COMMD6: variants seen among roughly 807,000 people sequenced by gnomAD.
COMMD6 encodes the protein COMM domain-containing protein 6.
Under a neutral mutation model 13.4 loss-of-function variants are expected in COMMD6, and 11 were observed. The observed-to-expected ratio is 0.82, with a 90% CI of 0.52 to 1.36. The LOEUF is 1.36. Among genes scored for constraint, COMMD6 ranks in the 40% most tolerant of loss-of-function variants. The pLI is 0.00. For synonymous variants in COMMD6, 43 were observed against 36.5 expected (o/e 1.18, Z -0.64); for missense variants, 124 against 102.4 (o/e 1.21, Z -0.91).
chr13:75,537,190 C>G (rs923500234), intron 2 of COMMD6, among the ~76,000 whole-genome samples: 1 of 152,222 alleles, frequency 6.6e-6, no homozygotes, highest in Non-Finnish European at 1.5e-5. Context: ...AACAGCACAG[C>G]AGCACTTGAA....
At position 75,525,657 on chromosome 13, in the gene COMMD6, C is replaced by A. The variant is rs1199576761; in HGVS notation, c.*932G>T. 1 of 152,258 alleles carries A rather than the reference C, an allele frequency of 6.6e-6. No homozygotes were observed. The highest frequency in any genetic ancestry group is 2.4e-5 in the African/African-American group (1 of 41,460). The allele number at this position is 152,258 out of a possible 1,614,324, so 9.4% of individuals were successfully genotyped here. A position where few individuals can be genotyped will look rare whatever the true frequency, so the allele number is the denominator to read the frequency against. ...GGCTGCGGCAGGCAGCAGTCCTGGG[C>A]TCCTCACAGCTGTGTGCTACCTAGC... On this transcript the variant is annotated 3_prime_UTR_variant, in exon 4 of 4. Coordinates refer to ENST00000682242, the MANE Select transcript of COMMD6 (RefSeq NM_203495.4).
intron 2 of COMMD6, among the ~76,000 whole-genome samples, chr13:75,535,109 CAGAA>C (rs1415112148): frequency 1.3e-5 from 2 of 151,746 alleles, no homozygotes; most frequent in Admixed American, 6.6e-5. Context: ...GGCTTTTGAA[CAGAA>C]AGAGACTCGA....
At chr13:75,538,812 A>G (rs2030769185), upstream of COMMD6, 1 of 150,908 alleles carries the variant, frequency 6.6e-6, no homozygotes. Flanking sequence ...ATGTCTCTTT[A>G]GTCTCCTCTA....
chr13:75,530,387 A>T lies in COMMD6; in HGVS notation c.55-121T>A, dbSNP rs1468159149. Reference sequence around the variant, plus strand: ...TTTCAACGCTGGTCATATTTACATAAAGTATCTTCATTTTAATACTGCTAG... The same window carrying T: ...TTTCAACGCTGGTCATATTTACATATAGTATCTTCATTTTAATACTGCTAG... On this transcript the variant is annotated intron_variant, in intron 2 of 3. Transcript: ENST00000682242. 19 of 660,016 alleles carry T rather than the reference A, an allele frequency of 2.9e-5. No individual in the cohort carries two copies. In the East Asian group the frequency reaches 5.0e-4, roughly 17 times the overall value. The allele number at this position is 660,016 out of a possible 1,614,324, so 40.9% of individuals were successfully genotyped here.
chr13:75,548,505 C>T (rs991952716), intron 1 of COMMD6, among the ~76,000 whole-genome samples: 1 of 152,168 alleles, frequency 6.6e-6, no homozygotes, highest in Non-Finnish European at 1.5e-5. Context: ...TTCCCCAGGT[C>T]AAATTTATGG....
upstream of COMMD6, among the ~76,000 whole-genome samples, chr13:75,538,459 T>G (rs1401888024): frequency 6.6e-6 from 1 of 152,220 alleles, no homozygotes; most frequent in East Asian, 1.9e-4. Flanking sequence ...ATTTATTTTT[T>G]TCAGAAAAAT....
chr13:75,542,838 G>A (rs1357507843), upstream of COMMD6, among the ~76,000 whole-genome samples: 2 of 152,202 alleles, frequency 1.3e-5, no homozygotes, highest in South Asian at 2.1e-4. Flanking sequence ...GCCAGCCTTT[G>A]CTGATTTTGA....
chr13:75,532,816 A>C (rs1308758345), intron 2 of COMMD6, among the ~76,000 whole-genome samples: 1 of 152,226 alleles, frequency 6.6e-6, no homozygotes, highest in Non-Finnish European at 1.5e-5. Flanking sequence ...TTGAGCTTTC[A>C]GAGGTTTTCA....
Position 75,526,783 on chromosome 13 carries a change from G to T in COMMD6, c.208-144C>A, listed in dbSNP as rs538360562. ...ACATTCTCAATTACTGAAGGTTGCT[G>T]TAAGAAATAGGTGCAATTTGGTACT... On this transcript the variant is annotated intron_variant, in intron 3 of 3. Coordinates refer to ENST00000682242, the MANE Select transcript of COMMD6 (RefSeq NM_203495.4). 7.0e-6 allele frequency: 4 copies of T among 569,432 alleles called. No homozygotes were observed. In the South Asian group the frequency reaches 1.1e-4, roughly 15 times the overall value. The allele number at this position is 569,432 out of a possible 1,614,324, so 35.3% of individuals were successfully genotyped here.
Position 75,537,753 on chromosome 13 carries a change from T to A in COMMD6, c.42+11A>T, listed in dbSNP as rs1310124382. 4 of 1,613,754 alleles carry A rather than the reference T, an allele frequency of 2.5e-6. No homozygotes were observed. The African/African-American group carries it at 5.3e-5, about 22-fold the overall frequency. On this transcript the variant is annotated intron_variant, in intron 1 of 3. Coordinates refer to ENST00000682242, the MANE Select transcript of COMMD6 (RefSeq NM_203495.4). ...CCTCGCTGCCCACTCTCCTTCCAGGTTGGAACTCACATCGGACTTAGCATC... is the reference window on the plus strand; with the variant it reads ...CCTCGCTGCCCACTCTCCTTCCAGGATGGAACTCACATCGGACTTAGCATC...
chr13:75,548,001 C>G (rs2030936431), intron 1 of COMMD6, among the ~76,000 whole-genome samples: 1 of 152,244 alleles, frequency 6.6e-6, no homozygotes, highest in African/African-American at 2.4e-5. Context: ...AACTGTCTTG[C>G]TGTCCGGCCT....
At chr13:75,537,057 C>T (rs1456222988) in intron 2 of COMMD6, among the ~76,000 whole-genome samples, 1 of 152,178 alleles carries the variant, frequency 6.6e-6, no homozygotes, top group Non-Finnish European at 1.5e-5. Flanking sequence ...TTTCTTACCT[C>T]ATCCCTTTCT....
intron 2 of COMMD6, among the ~76,000 whole-genome samples, chr13:75,532,563 G>A (rs1363736404): frequency 2.0e-5 from 3 of 152,190 alleles, no homozygotes; most frequent in Admixed American, 6.5e-5. Context: ...TGGGTGCGGT[G>A]GCTCACGCCT....
chr13:75,536,936 C>G (rs145252203), intron 2 of COMMD6, among the ~76,000 whole-genome samples: 268 of 152,314 alleles, frequency 1.8e-3, no homozygotes, highest in African/African-American at 5.9e-3. Flanking sequence ...AGACGGTTGA[C>G]AGCTCTCTGA....
chr13:75,529,413 C>T (rs2030386773), intron 3 of COMMD6, among the ~76,000 whole-genome samples: 1 of 150,328 alleles, frequency 6.7e-6, no homozygotes, highest in Non-Finnish European at 1.5e-5. Context: ...CCCAGCTACT[C>T]GGGAGGCTGA....
At chr13:75,548,086 A>G (rs1207326611) in intron 1 of COMMD6, among the ~76,000 whole-genome samples, 1 of 152,212 alleles carries the variant, frequency 6.6e-6, no homozygotes, top group African/African-American at 2.4e-5. Context: ...AGCAACCCTA[A>G]CAGGTGAATC....
rs373413170 is a variant in COMMD6 at position 75,545,616 on chromosome 13, C to T, written n.106+3707G>A. On this transcript the variant is annotated intron_variant and non_coding_transcript_variant, in intron 1 of 2. Coordinates refer to the COMMD6 transcript ENST00000460675. ...GGCTCCCGAGTAATGGGACTACAGA[C>T]GCCCGCCACCACGCCTGGTTAATTT... Among the ~76,000 whole-genome samples the T allele has an allele frequency of 3.6e-4, 55 of 152,084 alleles. No homozygotes were observed. The East Asian group carries it at 6.8e-3, about 19-fold the overall frequency.
rs57959582 is a variant in COMMD6, at chr13:75,528,001, G to GCACA, written c.208-1366_208-1363dup. The GCACA allele has an allele frequency of 5.5e-4, 157 of 287,844 alleles. 1 individual carries two copies. The highest frequency in any genetic ancestry group is 2.2e-3 in the Middle Eastern group (2 of 910). 17.8% of individuals were successfully genotyped at this position (287,844 alleles called of 1,614,324 possible). On this transcript the variant is annotated intron_variant, in intron 3 of 3. Transcript: ENST00000682242. ...CTAAAAAACATTTTACATGCCCTCA[G>GCACA]CACACACACACACACACACACACAC...
intron 1 of COMMD6, among the ~76,000 whole-genome samples, chr13:75,545,944 A>G (rs1489964323): frequency 6.6e-6 from 1 of 152,214 alleles, no homozygotes; most frequent in Non-Finnish European, 1.5e-5. Flanking sequence ...TAGGGTGACT[A>G]TAGTCAATAA....
Sources: gnomAD v4.1 joint callset for allele counts (sites outside exome capture counted in the v4.1 genomes callset) on GRCh38, gnomAD v4.1.1 for gene constraint, MANE v1.5 for transcripts, NCBI Gene and HGNC (gene_info 2026-07-23, HGNC 2026-07-21) for gene names.